The following CDK11A variants were observed in gnomAD, a reference collection of about 807,000 sequenced individuals.
CDK11A encodes cyclin-dependent kinase 11A.
A neutral mutation model predicts 83.6 loss-of-function variants in CDK11A; 55 were observed. The observed-to-expected ratio is 0.66, with a 90% CI of 0.53 to 0.82. The LOEUF (loss-of-function observed/expected upper bound fraction) is 0.82, where lower values mean the gene tolerates loss of function less well. CDK11A is among the 40% of genes least tolerant of loss of function. The pLI is 0.00. For missense variants in CDK11A, 564 were observed against 810.1 expected (o/e 0.70, Z 3.69); for synonymous variants, 247 against 302.7 (o/e 0.82, Z 1.91).
rs1280186625 is a variant in CDK11A at position 1,702,473 on chromosome 1, T to TGGGGGCC, written c.*427_*433dup. 1.7e-5 allele frequency among the ~76,000 whole-genome samples: 2 copies of TGGGGGCC among 119,216 alleles called. No individual in the cohort carries two copies. Among genetic ancestry groups the TGGGGGCC allele is most frequent in the African/African-American group, 2.9e-5 (1 of 34,982 alleles). The allele number at this position is 119,216 out of a possible 152,430, so 78.2% of individuals were successfully genotyped here. A position where few individuals can be genotyped will look rare whatever the true frequency, so the allele number is the denominator to read the frequency against. The stretch of plus-strand genomic sequence containing the variant: ...TGCTGGCACAGCTGGGGCTGGGGGT[T>TGGGGGCC]GGGGGCCGGGGGCCTGTGTGGACAG... On this transcript the variant is annotated 3_prime_UTR_variant, in exon 20 of 20. Transcript: ENST00000404249.
At chr1:1,715,448 G>A (rs1375234099) in intron 5 of CDK11A, among the ~76,000 whole-genome samples, 1 of 148,722 alleles carries the variant, frequency 6.7e-6, no homozygotes, top group East Asian at 2.0e-4. Flanking sequence ...ACTCTCGTGG[G>A]ACAAGACACA....
intron 10 of CDK11A, among the ~76,000 whole-genome samples, 168 bp downstream of exon 10, chr1:1,708,012 T>A (rs1644381325): frequency 6.8e-6 from 1 of 146,722 alleles, no homozygotes; most frequent in Non-Finnish European, 1.5e-5. Flanking sequence ...GCACTGTGCC[T>A]CGCTGAGGAA....
chr1:1,717,885 G>A (rs941259569), intron 4 of CDK11A, among the ~76,000 whole-genome samples: 8 of 149,850 alleles, frequency 5.3e-5, no homozygotes, highest in Non-Finnish European at 8.9e-5. Context: ...TTCAGCTAGA[G>A]TTTGCTCTCT....
In CDK11A at chr1:1,720,932, C is replaced by T. The variant is rs528665455; in HGVS notation, c.227+664G>A. 2.5e-4 allele frequency among the ~76,000 whole-genome samples: 38 copies of T among 151,332 alleles called. 3 individuals are homozygous for T. The South Asian group carries it at 7.5e-3, about 30-fold the overall frequency. ...GAGTAAACCTCAATAGTTGTAACAG[C>T]ATGCCCTGTCACAGTAATCCTAGGT... On this transcript the variant is annotated intron_variant, in intron 3 of 19. Transcript: ENST00000404249.
intron 5 of CDK11A, among the ~76,000 whole-genome samples, chr1:1,714,761 A>G (rs958924367): frequency 7.3e-6 from 1 of 137,018 alleles, no homozygotes; most frequent in Non-Finnish European, 1.6e-5. Context: ...TTCAGGCGTC[A>G]TTCGCATCTG....
At chr1:1,706,814 T>C (rs1456913625) in intron 11 of CDK11A, among the ~76,000 whole-genome samples, 3 of 150,324 alleles carry the variant, frequency 2.0e-5, no homozygotes, top group Admixed American at 6.6e-5. Context: ...GCCTGCTGCA[T>C]GCGCCAGAGA....
In CDK11A at chr1:1,719,612, C is replaced by T. The variant is rs1448679581; in HGVS notation, c.228-157G>A. Among the ~76,000 whole-genome samples, 10 of 70,308 alleles carry T rather than the reference C, an allele frequency of 1.4e-4. 1 individual carries two copies. The highest frequency in any genetic ancestry group is 2.7e-4 in the Non-Finnish European group (8 of 29,216). The allele number at this position is 70,308 out of a possible 152,430, so 46.1% of individuals were successfully genotyped here. A position where few individuals can be genotyped will look rare whatever the true frequency, so the allele number is the denominator to read the frequency against. ...ATTACATTAATTCTCCAACTTCAGG[C>T]ATCTTTTTTTTTTTTTTTTTTTAGA... On this transcript the variant is annotated intron_variant, in intron 3 of 19. Transcript: ENST00000404249.
At chr1:1,719,503 A>AAG (rs762484242) in intron 3 of CDK11A, 48 bp from the exon 4 acceptor site, 1 of 1,360,908 alleles carries the variant, frequency 7.3e-7, no homozygotes, top group African/African-American at 1.5e-5. Flanking sequence ...AAAGTGCGGA[A>AAG]AAGCATCAGG....
intron 12 of CDK11A, among the ~76,000 whole-genome samples, 197 bp from the exon 13 acceptor site, chr1:1,705,222 C>T (rs537117616): frequency 8.2e-6 from 1 of 122,500 alleles, no homozygotes; most frequent in Non-Finnish European, 1.5e-5. Flanking sequence ...GCTTCCCACT[C>T]AACACACCAC....
rs749505383 is a variant in CDK11A at position 1,703,495 on chromosome 1, C to T, written c.2041G>A (p.Gly681Ser). Reference sequence around the variant, plus strand: ...GCTCACTTGTTCATGAGGTCGAAGCCCTGGTCTGAGAGCAGAGCCCCGAAG... The same window carrying T: ...GCTCACTTGTTCATGAGGTCGAAGCTCTGGTCTGAGAGCAGAGCCCCGAAG... ...KRFGALLSDQ[G>S]FDLMNKFLTY... The change falls in exon 18 of 20, where the codon GGC (glycine) becomes AGC (serine). Residue 681 changes from glycine (G) to serine (S), a missense_variant. Transcript: ENST00000404249. 7 of 1,534,328 alleles carry T rather than the reference C, an allele frequency of 4.6e-6. No homozygotes were observed. In the East Asian group the frequency reaches 1.5e-4, roughly 32 times the overall value.
chr1:1,707,360 C>T, intron 11 of CDK11A, 49 bp downstream of exon 11: 1 of 1,586,200 alleles, frequency 6.3e-7, no homozygotes, highest in Non-Finnish European at 8.6e-7. Flanking sequence ...CCTGTGGTAA[C>T]TCCGACTGCC....
intron 4 of CDK11A, among the ~76,000 whole-genome samples, chr1:1,716,700 G>A (rs1644664967): frequency 6.7e-6 from 1 of 149,786 alleles, no homozygotes; most frequent in South Asian, 2.1e-4. Flanking sequence ...TGTAATCCCA[G>A]GTACTAAGGG....
In CDK11A at chr1:1,707,455, G is replaced by C. The variant is rs1362889009; in HGVS notation, c.1199C>G (p.Pro400Arg). The C allele has an allele frequency of 3.7e-6, 6 of 1,607,706 alleles. No homozygotes were observed. The highest frequency in any genetic ancestry group is 5.1e-6 in the Non-Finnish European group (6 of 1,175,972). ...DYVPDSPALL[P>R]IELKQELPKY... ...GGGCAGCTCCTGCTTGAGCTCGATG[G>C]GCAACAGGGCAGGGGAGTCGGGCAC... The change falls in exon 11 of 20, where the codon CCC becomes CGC. Residue 400 changes from proline (P) to arginine (R), a missense_variant. Physicochemically the swap from Pro to Arg is moderately radical, Grantham distance 103. This residue lies in a region of CDK11A where 361 missense variants were observed against 402.7 expected (regional missense o/e 0.90). Coordinates refer to ENST00000404249, the MANE Select transcript of CDK11A (RefSeq NM_024011.4).
intron 11 of CDK11A, among the ~76,000 whole-genome samples, chr1:1,706,210 G>A (rs145714822): frequency 0.18 from 27,017 of 149,350 alleles, 4,667 homozygotes; most frequent in African/African-American, 0.44. Context: ...GTAGCTGGGA[G>A]TATAGGTACG....
chr1:1,708,333 C>T (rs1644399100), intron 9 of CDK11A, 88 bp from the exon 10 acceptor site: 1 of 1,440,104 alleles, frequency 6.9e-7, no homozygotes, highest in African/African-American at 1.6e-5. Flanking sequence ...AGCTAAGCAA[C>T]AAGTGTTCCC....
At chr1:1,716,720 C>A (rs1360236126) in intron 4 of CDK11A, among the ~76,000 whole-genome samples, 1 of 144,792 alleles carries the variant, frequency 6.9e-6, no homozygotes, top group East Asian at 2.1e-4. Flanking sequence ...GAGGCTGAGG[C>A]TGTAGAATCA....
intron 5 of CDK11A, among the ~76,000 whole-genome samples, chr1:1,715,368 T>C (rs560712318): frequency 1.4e-5 from 2 of 140,378 alleles, no homozygotes; most frequent in African/African-American, 5.1e-5. Context: ...CTCTCCTGTC[T>C]TTACCTTCTG....
At chr1:1,720,716 G>A (rs1644874910) in intron 3 of CDK11A, among the ~76,000 whole-genome samples, 1 of 149,838 alleles carries the variant, frequency 6.7e-6, no homozygotes, top group Admixed American at 6.7e-5. Context: ...TTTTCAGACA[G>A]AATCTTGCTA....
intron 5 of CDK11A, 60 bp downstream of exon 5, chr1:1,716,286 G>A (rs368680882): frequency 6.4e-7 from 1 of 1,561,778 alleles, no homozygotes. Flanking sequence ...CTTCATTGCT[G>A]TGACAGGACA....
Sources: gnomAD v4.1 joint callset for allele counts (sites outside exome capture counted in the v4.1 genomes callset) on GRCh38, gnomAD v4.1.1 for gene constraint, gnomAD v4.1.1 regional missense constraint, MANE v1.5 for transcripts, NCBI Gene and HGNC (gene_info 2026-07-23, HGNC 2026-07-21) for gene names.